ADGRE3: variants seen among roughly 807,000 people sequenced by gnomAD.
ADGRE3 encodes EGF-like module receptor 3.
ADGRE3 carries 88 observed loss-of-function variants against 80.1 expected under a neutral mutation model. That is an observed-to-expected ratio of 1.10 (90% CI 0.93 to 1.31). ADGRE3 has a LOEUF of 1.31. Among genes scored for constraint, ADGRE3 ranks in the 40% most tolerant of loss-of-function variants. The pLI is 0.00. For missense variants in ADGRE3, 715 were observed against 776.5 expected, an observed-to-expected ratio of 0.92 and a Z score of 0.94; for synonymous variants, 281 against 294.8, an observed-to-expected ratio of 0.95 and a Z score of 0.48.
At chr19:14,663,090 C>T (rs1305171015) in intron 3 of ADGRE3, among the ~76,000 whole-genome samples, 2 of 151,874 alleles carry the variant, frequency 1.3e-5, no homozygotes, top group Non-Finnish European at 2.9e-5. Context: ...GCAACCTCTG[C>T]CTCCCAGGTT....
chr19:14,617,344 T>TCTCTCTCTC (rs774654059), downstream of ADGRE3, among the ~76,000 whole-genome samples: 241 of 49,368 alleles, frequency 4.9e-3, 2 homozygotes, highest in South Asian at 8.6e-3. Flanking sequence ...CTCCCTCCCT[T>TCTCTCTCTC]TCTTTCTTTC....
At chr19:14,674,678 T>C in intron 1 of ADGRE3, 68 bp downstream of exon 1, 1 of 1,511,076 alleles carries the variant, frequency 6.6e-7, no homozygotes, top group East Asian at 2.3e-5. Flanking sequence ...AAATAACCAA[T>C]TGTTGAACCA....
chr19:14,627,257 G>T (rs1464661066), intron 14 of ADGRE3, among the ~76,000 whole-genome samples: 1 of 152,006 alleles, frequency 6.6e-6, no homozygotes. Context: ...ATTGCTCCTG[G>T]TAAGAACCAT....
In ADGRE3 at chr19:14,619,489, A is replaced by G; in HGVS notation, c.1921-18T>C. ...ACATCCCCCTATAAAAGAGGTTTAG[A>G]TTAAAGGTGGATGTAAGGGTAAAAT... On this transcript the variant is annotated intron_variant, in intron 15 of 15. Coordinates refer to ENST00000253673, the MANE Select transcript of ADGRE3 (RefSeq NM_032571.5). 6.3e-7 allele frequency: 1 copy of G among 1,578,898 alleles called. No individual in the cohort carries two copies. The highest frequency in any genetic ancestry group is 8.7e-7 in the Non-Finnish European group (1 of 1,149,654).
intron 10 of ADGRE3, 63 bp downstream of exon 10, chr19:14,641,356 A>T: frequency 1.3e-6 from 2 of 1,592,476 alleles, no homozygotes; most frequent in South Asian, 2.2e-5. Flanking sequence ...CTAGTGCAGC[A>T]TTGCTCCATG....
At chr19:14,615,966 C>CTTTT (rs376499489), downstream of ADGRE3, among the ~76,000 whole-genome samples, 2 of 141,398 alleles carry the variant, frequency 1.4e-5, no homozygotes, top group Admixed American at 7.1e-5. Flanking sequence ...CTCTGCCTTA[C>CTTTT]TTTTTTTTTT....
chr19:14,640,736 G>A (rs12982690), intron 10 of ADGRE3, among the ~76,000 whole-genome samples: 8 of 152,104 alleles, frequency 5.3e-5, no homozygotes, highest in Non-Finnish European at 1.2e-4. Context: ...GGGAGGACCC[G>A]GTGGGAGATA....
At chr19:14,667,845 C>T (rs918460699) in intron 2 of ADGRE3, among the ~76,000 whole-genome samples, 3 of 152,130 alleles carry the variant, frequency 2.0e-5, no homozygotes, top group Non-Finnish European at 2.9e-5. Flanking sequence ...AATAAATTTA[C>T]GATCTTAGCC....
intron 6 of ADGRE3, among the ~76,000 whole-genome samples, chr19:14,651,998 C>T (rs111989526): frequency 7.5e-4 from 114 of 152,140 alleles, no homozygotes; most frequent in African/African-American, 2.7e-3. Flanking sequence ...GCTGAGATCA[C>T]GCCACTGTAC....
At chr19:14,625,382 AAAAAAC>A (rs1168185454) in intron 15 of ADGRE3, 104 bp downstream of exon 15, 45 of 772,602 alleles carry the variant, frequency 5.8e-5, no homozygotes, top group East Asian at 4.5e-4. Flanking sequence ...CTCAGAACTT[AAAAAAC>A]AAAAACAAAA....
At chr19:14,620,388 ACATGTATATATGAATATATATGTATATT>A (rs753182342) in intron 15 of ADGRE3, among the ~76,000 whole-genome samples, 11,282 of 47,584 alleles carry the variant, frequency 0.24, 733 homozygotes, top group Non-Finnish European at 0.26. Context: ...ATTCATATAT[ACATGTATATATGAATATATATGTATATT>A]CATGTATATA....
chr19:14,612,574 A>G, the ADGRE3 span, among the ~76,000 whole-genome samples: 1 of 152,144 alleles, frequency 6.6e-6, no homozygotes, highest in Non-Finnish European at 1.5e-5. Flanking sequence ...GGCTCAAGCA[A>G]TCTGCCCACC....
intron 15 of ADGRE3, among the ~76,000 whole-genome samples, chr19:14,624,248 C>T (rs1488662019): frequency 6.6e-6 from 1 of 152,140 alleles, no homozygotes; most frequent in Non-Finnish European, 1.5e-5. Flanking sequence ...GCATGTGCCA[C>T]CATGCCCAGC....
intron 6 of ADGRE3, among the ~76,000 whole-genome samples, chr19:14,652,686 G>A (rs1461343147): frequency 1.3e-5 from 2 of 150,016 alleles, no homozygotes; most frequent in African/African-American, 2.4e-5. Context: ...GCTGAGGCAG[G>A]AGAATTGCTT....
At chr19:14,668,678 G>A (rs1005952548) in intron 2 of ADGRE3, 124 bp downstream of exon 2, 1 of 653,864 alleles carries the variant, frequency 1.5e-6, no homozygotes, top group African/African-American at 1.8e-5. Flanking sequence ...ATGAAACACA[G>A]GAGCAAGCCT....
intron 15 of ADGRE3, among the ~76,000 whole-genome samples, chr19:14,620,617 T>C: frequency 8.3e-6 from 1 of 119,814 alleles, no homozygotes; most frequent in Non-Finnish European, 1.7e-5. Flanking sequence ...TTTTGCTCTG[T>C]CACCCAGGCT....
chr19:14,667,298 T>C (rs771816558), intron 2 of ADGRE3, among the ~76,000 whole-genome samples: 1 of 152,078 alleles, frequency 6.6e-6, no homozygotes, highest in Non-Finnish European at 1.5e-5. Context: ...CAGTAAAATC[T>C]ACCTTGCTCA....
the ADGRE3 span, among the ~76,000 whole-genome samples, chr19:14,608,109 C>T: frequency 1.3e-5 from 2 of 151,756 alleles, no homozygotes; most frequent in South Asian, 2.1e-4. Flanking sequence ...TGAGCTCAAG[C>T]GATCCACCCG....
intron 2 of ADGRE3, among the ~76,000 whole-genome samples, chr19:14,667,454 T>C (rs943948083): frequency 1.2e-4 from 18 of 152,094 alleles, no homozygotes; most frequent in African/African-American, 4.1e-4. Flanking sequence ...TGTCCATCAG[T>C]GATAGACTGG....
Sources: allele counts gnomAD v4.1 joint callset (sites outside exome capture counted in the v4.1 genomes callset), GRCh38; gene constraint gnomAD v4.1.1; transcripts MANE v1.5; gene names NCBI Gene and HGNC (gene_info 2026-07-23, HGNC 2026-07-21).